ADAMTS9: variants seen among roughly 807,000 people sequenced by gnomAD.
The protein encoded by ADAMTS9 is A disintegrin and metalloproteinase with thrombospondin motifs 9.
A neutral mutation model predicts 257.1 loss-of-function variants in ADAMTS9; 107 were observed. The ratio of observed to expected loss-of-function variants is 0.42; its 90% confidence interval spans 0.36 to 0.49. The LOEUF (loss-of-function observed/expected upper bound fraction) is 0.49, where lower values mean the gene tolerates loss of function less well. Ranked by LOEUF, ADAMTS9 falls within the 20% of genes least tolerant of loss-of-function variation. The pLI is 0.03. For synonymous variants in ADAMTS9, 982 were observed against 880.9 expected (o/e 1.11, Z -2.03); for missense variants, 2,353 against 2,469.1 (o/e 0.95, Z 1.00).
intron 16 of ADAMTS9, among the ~76,000 whole-genome samples, chr3:64,629,305 G>A (rs530368166): frequency 7.9e-4 from 121 of 152,244 alleles, no homozygotes; most frequent in Admixed American, 2.4e-3. Context: ...GCAGTAAGAC[G>A]TCATTCCTCA....
rs562032408 is a variant in ADAMTS9, at chr3:64,547,044, G to T, written c.4870-92C>A. 9 of 1,137,270 alleles carry T rather than the reference G, an allele frequency of 7.9e-6. No individual in the cohort carries two copies. In the East Asian group the frequency reaches 2.2e-4, roughly 28 times the overall value. The allele number at this position is 1,137,270 out of a possible 1,614,324, so 70.4% of individuals were successfully genotyped here. On this transcript the variant is annotated intron_variant, in intron 31 of 39. Coordinates refer to ENST00000498707, the MANE Select transcript of ADAMTS9 (RefSeq NM_182920.2). ...GACCTCCACACCAAGCGCTGACCGT[G>T]TGACTATGCTGCAGAAAGCTCCCAC...
At chr3:64,677,226 C>T (rs749956272) in intron 3 of ADAMTS9, among the ~76,000 whole-genome samples, 5 of 152,102 alleles carry the variant, frequency 3.3e-5, no homozygotes, top group Non-Finnish European at 5.9e-5. Flanking sequence ...GTCACAAGGG[C>T]ATGCCATAGG....
chr3:64,576,708 T>A (rs151205182), intron 28 of ADAMTS9, among the ~76,000 whole-genome samples: 10 of 152,274 alleles, frequency 6.6e-5, no homozygotes, highest in Non-Finnish European at 1.3e-4. Flanking sequence ...CCCAGCCGGA[T>A]GGGGCATTAG....
chr3:64,648,147 G>A (rs1437415472), intron 10 of ADAMTS9, 103 bp from the exon 11 acceptor site: 2 of 991,740 alleles, frequency 2.0e-6, no homozygotes, highest in Non-Finnish European at 1.5e-6. Context: ...AATGACATAG[G>A]GTAAGTGGGG....
chr3:64,668,272 T>A (rs776087719), intron 3 of ADAMTS9, among the ~76,000 whole-genome samples: 7 of 152,206 alleles, frequency 4.6e-5, no homozygotes, highest in Admixed American at 2.0e-4. Context: ...ACAGATGAAA[T>A]TAATTTTAAT....
intron 14 of ADAMTS9, among the ~76,000 whole-genome samples, chr3:64,632,533 C>T (rs932529696): frequency 2.6e-5 from 4 of 152,194 alleles, no homozygotes; most frequent in African/African-American, 9.7e-5. Flanking sequence ...AGGCCTGAGG[C>T]TCCATCGAGT....
chr3:64,614,098 T>A (rs983388199), intron 21 of ADAMTS9, among the ~76,000 whole-genome samples: 6 of 152,224 alleles, frequency 3.9e-5, no homozygotes, highest in Non-Finnish European at 5.9e-5. Flanking sequence ...ATAACCATTA[T>A]CAATATTTTA....
chr3:64,562,920 C>T (rs1385107156), intron 29 of ADAMTS9: 11 of 152,118 alleles, frequency 7.2e-5, no homozygotes, highest in Admixed American at 3.9e-4. Context: ...AAACAGGTAA[C>T]GATATTTAGA....
At chr3:64,615,617 G>T in intron 20 of ADAMTS9, 132 bp from the exon 21 acceptor site, 1 of 980,282 alleles carries the variant, frequency 1.0e-6, no homozygotes, top group Non-Finnish European at 1.5e-6. Flanking sequence ...TTATTTTGGT[G>T]GAGATCTTTT....
chr3:64,667,949 AG>A (rs1333345158), intron 3 of ADAMTS9, among the ~76,000 whole-genome samples: 1 of 152,364 alleles, frequency 6.6e-6, no homozygotes, highest in Admixed American at 6.5e-5. Context: ...TGAACATCCC[AG>A]GGCCTGTGTT....
Position 64,561,679 on chromosome 3 carries a change from T to C in ADAMTS9, c.4597A>G (p.Arg1533Gly). 6.2e-7 allele frequency: 1 copy of C among 1,613,944 alleles called. No individual in the cohort carries two copies. The highest frequency in any genetic ancestry group is 1.3e-5 in the African/African-American group (1 of 74,950). The stretch of plus-strand genomic sequence containing the variant: ...GTGTATGGGTTGCACTCGGTCTCTC[T>C]GGCTATTTTGTGTGTTCCGATCTGA... ...GCQIGTHKIA[R>G]ETECNPYTRP... The change falls in exon 30 of 40, where the codon AGA (arginine) becomes GGA (glycine). Residue 1533 changes from arginine (R) to glycine (G), a missense_variant. Physicochemically the swap from Arg to Gly is moderately radical, Grantham distance 125. Coordinates refer to ENST00000498707, the MANE Select transcript of ADAMTS9 (RefSeq NM_182920.2).
intron 32 of ADAMTS9, among the ~76,000 whole-genome samples, chr3:64,542,938 C>G (rs905561182): frequency 6.6e-6 from 1 of 151,906 alleles, no homozygotes; most frequent in African/African-American, 2.4e-5. Flanking sequence ...GGGAATATCA[C>G]CACCAATCCC....
chr3:64,599,380 T>G (rs943704141), intron 26 of ADAMTS9, among the ~76,000 whole-genome samples: 1 of 152,222 alleles, frequency 6.6e-6, no homozygotes, highest in African/African-American at 2.4e-5. Flanking sequence ...TTGAATCTAT[T>G]AGTAAAACGT....
At chr3:64,635,876 T>C (rs1055523193) in intron 12 of ADAMTS9, among the ~76,000 whole-genome samples, 1 of 151,816 alleles carries the variant, frequency 6.6e-6, no homozygotes, top group East Asian at 1.9e-4. Context: ...AGATGACCCA[T>C]GAATAATAGA....
intron 16 of ADAMTS9, among the ~76,000 whole-genome samples, chr3:64,628,363 A>G (rs1448541831): frequency 2.6e-5 from 4 of 152,204 alleles, no homozygotes; most frequent in Admixed American, 6.5e-5. Flanking sequence ...AGGGAAGAAT[A>G]GCAGAGAATC....
At chr3:64,678,955 A>G (rs961738749) in intron 3 of ADAMTS9, among the ~76,000 whole-genome samples, 3 of 152,212 alleles carry the variant, frequency 2.0e-5, no homozygotes, top group Non-Finnish European at 2.9e-5. Context: ...ACGGCATGCC[A>G]TATTGGTCAG....
At chr3:64,524,270 A>G (rs757187066) in intron 38 of ADAMTS9, among the ~76,000 whole-genome samples, 3 of 152,208 alleles carry the variant, frequency 2.0e-5, no homozygotes, top group Non-Finnish European at 4.4e-5. Flanking sequence ...CTCATTTTCA[A>G]TTGCAAGTGA....
At chr3:64,529,527 G>A (rs139511685) in intron 38 of ADAMTS9, among the ~76,000 whole-genome samples, 4 of 152,292 alleles carry the variant, frequency 2.6e-5, no homozygotes, top group Non-Finnish European at 5.9e-5. Flanking sequence ...TATTATAACT[G>A]GCCAGGGTCT....
rs770067608 is a variant in ADAMTS9, at chr3:64,546,826, T to C, written c.4996A>G (p.Ser1666Gly). Residue 1666 changes from serine to glycine, a missense_variant, in exon 32 of 40, where the codon AGT becomes GGT. Transcript: ENST00000498707. The stretch of plus-strand genomic sequence containing the variant: ...TCCCTCAGGTAACAGGGGTGAACAC[T>C]GGGGGGCTGCGTGCCTGGGCAGTTG... Reference protein sequence around the residue: ...TINCPGTQPPSVHPCYLRDCP... With the variant: ...TINCPGTQPPGVHPCYLRDCP... 2 of 1,614,060 alleles carry C rather than the reference T, an allele frequency of 1.2e-6. No individual in the cohort carries two copies. The highest frequency in any genetic ancestry group is 1.1e-5 in the South Asian group (1 of 91,070).
Sources: allele counts gnomAD v4.1 joint callset (sites outside exome capture counted in the v4.1 genomes callset), GRCh38; gene constraint gnomAD v4.1.1; transcripts MANE v1.5; gene names NCBI Gene and HGNC (gene_info 2026-07-23, HGNC 2026-07-21).